Variants in CADPS2 observed in about 807,000 individuals in gnomAD.
CADPS2 encodes calcium-dependent secretion activator 2.
Under a neutral mutation model 172.5 loss-of-function variants are expected in CADPS2, and 93 were observed. The ratio of observed to expected loss-of-function variants is 0.54; its 90% CI spans 0.46 to 0.64. The LOEUF (loss-of-function observed/expected upper bound fraction) is 0.64, where lower values mean the gene tolerates loss of function less well. Among genes scored for constraint, CADPS2 ranks in the 30% least tolerant of loss-of-function variants. The pLI, the probability that CADPS2 is intolerant of heterozygous loss-of-function variation, is 0.00. For missense variants in CADPS2, 1,420 were observed against 1,565.9 expected, an observed-to-expected ratio of 0.91 and a Z score of 1.57; for synonymous variants, 546 against 555.2, an observed-to-expected ratio of 0.98 and a Z score of 0.23.
chr7:122,823,284 A>G (rs1803922821), intron 1 of CADPS2, among the ~76,000 whole-genome samples: 1 of 152,212 alleles, frequency 6.6e-6, no homozygotes, highest in Admixed American at 6.5e-5. Flanking sequence ...TTAGGGGGAA[A>G]AAATCTTCCT....
intron 22 of CADPS2, 64 bp from the exon 23 acceptor site, chr7:122,388,802 T>C (rs930506332): frequency 2.9e-6 from 4 of 1,375,194 alleles, no homozygotes; most frequent in African/African-American, 2.9e-5. Flanking sequence ...CATTAATACA[T>C]TGTTTTTTCT....
At chr7:122,618,845 T>G (rs528958673) in intron 5 of CADPS2, among the ~76,000 whole-genome samples, 2 of 152,296 alleles carry the variant, frequency 1.3e-5, no homozygotes, top group South Asian at 4.1e-4. Context: ...CATCGTCACT[T>G]AACACGATTT....
intron 20 of CADPS2, among the ~76,000 whole-genome samples, chr7:122,400,078 C>A (rs1296798651): frequency 2.0e-5 from 3 of 151,914 alleles, no homozygotes; most frequent in Admixed American, 2.0e-4. Flanking sequence ...TATCTTTAAG[C>A]CACTAAACCC....
chr7:122,621,896 T>C (rs1023758058), intron 4 of CADPS2, among the ~76,000 whole-genome samples, 179 bp from the exon 5 acceptor site: 3 of 152,214 alleles, frequency 2.0e-5, no homozygotes, highest in Admixed American at 6.5e-5. Flanking sequence ...ATTATATCTA[T>C]GGTACTTCAG....
rs370616836 is a variant in CADPS2 at position 122,494,697 on chromosome 7, T to G, written c.1543-3277A>C. ...TCAGAAAAAAGAATAAAGTTATTTC[T>G]ATTTTGAAGAATAAAAACATTAAGC... is the stretch of plus-strand genomic sequence containing the variant. On this transcript the variant is annotated intron_variant, in intron 9 of 29. Coordinates refer to ENST00000449022, the MANE Select transcript of CADPS2 (RefSeq NM_017954.11). Among the ~76,000 whole-genome samples the G allele has an allele frequency of 2.1e-4, 32 of 152,172 alleles. No individual in the cohort carries two copies. In the East Asian group the frequency reaches 6.0e-3, roughly 28 times the overall value.
At chr7:122,677,651 C>A (rs2082524762) in intron 2 of CADPS2, among the ~76,000 whole-genome samples, 1 of 152,114 alleles carries the variant, frequency 6.6e-6, no homozygotes, top group African/African-American at 2.4e-5. Flanking sequence ...TAAACAACAA[C>A]AACAACAACA....
chr7:122,666,717 T>A (rs964939254), intron 2 of CADPS2, among the ~76,000 whole-genome samples: 1 of 152,164 alleles, frequency 6.6e-6, no homozygotes, highest in Non-Finnish European at 1.5e-5. Flanking sequence ...CTCTTCTTCC[T>A]GGTTCTCTTC....
At chr7:122,577,179 C>T (rs1263582194) in intron 7 of CADPS2, among the ~76,000 whole-genome samples, 1 of 152,088 alleles carries the variant, frequency 6.6e-6, no homozygotes, top group African/African-American at 2.4e-5. Flanking sequence ...CTTCCCTAGC[C>T]ATGCAGAACT....
At chr7:122,528,233 T>C (rs747309354) in intron 8 of CADPS2, among the ~76,000 whole-genome samples, 6 of 152,004 alleles carry the variant, frequency 3.9e-5, no homozygotes, top group Non-Finnish European at 8.8e-5. Flanking sequence ...TAATAAACTT[T>C]TCAGCTTTGT....
Position 122,581,160 on chromosome 7 carries a change from C to T in CADPS2, c.1335+19G>A, listed in dbSNP as rs2068754711. On this transcript the variant is annotated intron_variant, in intron 7 of 29. Transcript: ENST00000449022. ...TTAAAACTGTTCTACCCTGGACACA[C>T]AGGCTGACCACAACTCACCCTTCCC... 1 of 1,584,402 alleles carries T rather than the reference C, an allele frequency of 6.3e-7. No individual in the cohort carries two copies. Among genetic ancestry groups the T allele is most frequent in the Admixed American group, 1.7e-5 (1 of 59,860 alleles).
intron 1 of CADPS2, among the ~76,000 whole-genome samples, chr7:122,826,242 G>C (rs997904026): frequency 3.9e-5 from 6 of 152,218 alleles, no homozygotes; most frequent in Non-Finnish European, 5.9e-5. Context: ...AACTAGGGCT[G>C]AGTGAGGAAC....
intron 1 of CADPS2, among the ~76,000 whole-genome samples, chr7:122,780,450 T>C (rs752074027): frequency 3.5e-4 from 54 of 152,146 alleles, no homozygotes; most frequent in Middle Eastern, 3.2e-3. Flanking sequence ...AGGTGGGAAA[T>C]TACCCTGCCT....
intron 7 of CADPS2, among the ~76,000 whole-genome samples, chr7:122,575,795 C>G (rs542107085): frequency 1.3e-5 from 2 of 151,986 alleles, no homozygotes; most frequent in African/African-American, 4.8e-5. Context: ...ATTTAAAAGC[C>G]TTTTTTATTA....
chr7:122,707,613 T>G (rs1439489676), intron 2 of CADPS2, among the ~76,000 whole-genome samples: 1 of 151,934 alleles, frequency 6.6e-6, no homozygotes, highest in Non-Finnish European at 1.5e-5. Context: ...ATTTTGCATT[T>G]AGGCTCAAAC....
intron 7 of CADPS2, among the ~76,000 whole-genome samples, chr7:122,578,174 A>C (rs767103656): frequency 2.0e-5 from 3 of 151,606 alleles, no homozygotes; most frequent in African/African-American, 4.8e-5. Context: ...CACATACATT[A>C]TGTATACCAA....
chr7:122,431,948 C>A (rs1317865174), intron 17 of CADPS2, among the ~76,000 whole-genome samples: 3 of 151,822 alleles, frequency 2.0e-5, no homozygotes, highest in African/African-American at 7.3e-5. Context: ...GGGAGGGAAA[C>A]AAAGAAGTAA....
chr7:122,759,258 A>T (rs1162695251), intron 1 of CADPS2, among the ~76,000 whole-genome samples: 5 of 152,162 alleles, frequency 3.3e-5, no homozygotes, highest in Non-Finnish European at 7.3e-5. Context: ...ATGTAATGAA[A>T]TTATTATGGC....
intron 1 of CADPS2, among the ~76,000 whole-genome samples, chr7:122,800,510 T>G (rs1797375635): frequency 1.3e-5 from 2 of 152,188 alleles, no homozygotes; most frequent in Admixed American, 6.5e-5. Flanking sequence ...ATTGAGATTC[T>G]AAAGTAGTAG....
chr7:122,797,905 T>C (rs37892), intron 1 of CADPS2, among the ~76,000 whole-genome samples: 67,362 of 151,944 alleles, frequency 0.44, 17,383 homozygotes, highest in African/African-American at 0.72. Flanking sequence ...ATCATATGAA[T>C]GTATGATTTT....
Sources: gnomAD v4.1 joint callset for allele counts (sites outside exome capture counted in the v4.1 genomes callset) on GRCh38, gnomAD v4.1.1 for gene constraint, MANE v1.5 for transcripts, NCBI Gene and HGNC (gene_info 2026-07-23, HGNC 2026-07-21) for gene names.